Variants in GRIK3 observed in about 807,000 individuals in gnomAD.
GRIK3 encodes the protein glutamate receptor ionotropic, kainate 3.
Under a neutral mutation model 102.5 loss-of-function variants are expected in GRIK3, and 29 were observed. The ratio of observed to expected loss-of-function variants is 0.28; its 90% CI spans 0.21 to 0.39. GRIK3 has a LOEUF of 0.39. GRIK3 is among the 10% of genes least tolerant of loss of function. The probability of loss-of-function intolerance (pLI) is 1.00; values close to 1 mark genes in which losing one functional copy is unlikely to be tolerated. For missense variants in GRIK3, 908 were observed against 1,252.4 expected (o/e 0.73, Z 4.15); for synonymous variants, 511 against 504.9 (o/e 1.01, Z -0.16).
At chr1:36,842,005 G>T in intron 9 of GRIK3, 66 bp from the exon 10 acceptor site, 4 of 1,275,318 alleles carry the variant, frequency 3.1e-6, no homozygotes. Context: ...GGCTTGCACT[G>T]GAGAGTCAGG....
In GRIK3 at chr1:36,950,559, G is replaced by A. The variant is rs371578130; in HGVS notation, c.116-59463C>T. ...GGAAGATGAAGCTGGAATGGCCTTT[G>A]GACAACATGCTCTGGGCTTGGCTAA... On this transcript the variant is annotated intron_variant, in intron 1 of 15. Transcript: ENST00000373091. Among the ~76,000 whole-genome samples the A allele has an allele frequency of 2.0e-5, 3 of 152,222 alleles. No individual in the cohort carries two copies. In the East Asian group the frequency reaches 5.8e-4, roughly 29 times the overall value.
chr1:36,840,195 C>T (rs1393096171), intron 10 of GRIK3, among the ~76,000 whole-genome samples: 1 of 152,124 alleles, frequency 6.6e-6, no homozygotes, highest in Non-Finnish European at 1.5e-5. Flanking sequence ...CAGTACCTAC[C>T]TCACTGGGCT....
chr1:36,902,782 T>G (rs1036716198), intron 1 of GRIK3, among the ~76,000 whole-genome samples: 5 of 151,844 alleles, frequency 3.3e-5, no homozygotes, highest in Non-Finnish European at 7.4e-5. Context: ...CTGGGACATA[T>G]CTTATGATGG....
intron 2 of GRIK3, among the ~76,000 whole-genome samples, chr1:36,883,515 C>T (rs1641006066): frequency 6.6e-6 from 1 of 152,202 alleles, no homozygotes; most frequent in South Asian, 2.1e-4. Context: ...TATGGCTTTC[C>T]CTCTGGAAGA....
At position 36,819,942 on chromosome 1, in the gene GRIK3, C is replaced by T; in HGVS notation, c.1755-88G>A. The T allele has an allele frequency of 1.4e-6, 1 of 713,794 alleles. No homozygotes were observed. 44.2% of individuals were successfully genotyped at this position (713,794 alleles called of 1,614,324 possible). On this transcript the variant is annotated intron_variant, in intron 11 of 15. Coordinates refer to ENST00000373091, the MANE Select transcript of GRIK3 (RefSeq NM_000831.4). The surrounding 1 kb of genome is among the most constrained non-coding windows in gnomAD (Gnocchi z 4.1). ...AGTGGTTTAGCAAACACAGCTGTGC[C>T]AGCCGCCTCAGCGTCAATATCCTCA...
At chr1:36,816,910 C>T (rs1044474594) in intron 13 of GRIK3, 150 bp downstream of exon 13, 1 of 621,038 alleles carries the variant, frequency 1.6e-6, no homozygotes, top group Non-Finnish European at 2.8e-6. Flanking sequence ...CCAAAGTCAA[C>T]TAGTCCAAAC....
At chr1:36,849,922 T>G in intron 9 of GRIK3, 1 of 190,092 alleles carries the variant, frequency 5.3e-6, no homozygotes, top group Non-Finnish European at 1.1e-5. Flanking sequence ...GCTCTCGAGG[T>G]GTGGCCACAG....
chr1:36,924,118 A>T (rs1279978676), intron 1 of GRIK3, among the ~76,000 whole-genome samples: 3 of 152,226 alleles, frequency 2.0e-5, no homozygotes, highest in African/African-American at 7.2e-5. Context: ...GGGCACTGCC[A>T]GGGCAGAGGA....
chr1:36,801,696 G>A lies in GRIK3; in HGVS notation c.*155C>T, dbSNP rs538933624. 3.6e-6 allele frequency: 2 copies of A among 548,868 alleles called. No homozygotes were observed. The highest frequency in any genetic ancestry group is 6.6e-5 in the South Asian group (2 of 30,482). 34.0% of individuals were successfully genotyped at this position (548,868 alleles called of 1,614,324 possible). On this transcript the variant is annotated 3_prime_UTR_variant, in exon 16 of 16. Coordinates refer to ENST00000373091, the MANE Select transcript of GRIK3 (RefSeq NM_000831.4). ...AAGCAGCTGGCCTGAGAGCCTGCTGGCTTCCTGGCAGGTAAGGGCAGGAGG... is the reference window on the plus strand; with the variant it reads ...AAGCAGCTGGCCTGAGAGCCTGCTGACTTCCTGGCAGGTAAGGGCAGGAGG...
At chr1:36,933,212 C>A (rs1300363550) in intron 1 of GRIK3, among the ~76,000 whole-genome samples, 1 of 152,158 alleles carries the variant, frequency 6.6e-6, no homozygotes, top group Non-Finnish European at 1.5e-5. Context: ...AGCTTCAGAG[C>A]CTTGATTCTG....
intron 1 of GRIK3, among the ~76,000 whole-genome samples, chr1:36,900,267 C>T (rs1641220765): frequency 1.3e-5 from 2 of 152,158 alleles, no homozygotes; most frequent in South Asian, 4.1e-4. Context: ...TCCCCAAATA[C>T]TTGAAGATTA....
chr1:36,931,668 A>C (rs112881480), intron 1 of GRIK3, among the ~76,000 whole-genome samples: 6 of 152,252 alleles, frequency 3.9e-5, no homozygotes, highest in African/African-American at 1.4e-4. Flanking sequence ...TATGCCTGAG[A>C]GTGGAGACAT....
At chr1:36,907,652 C>T (rs1641298228) in intron 1 of GRIK3, among the ~76,000 whole-genome samples, 1 of 152,088 alleles carries the variant, frequency 6.6e-6, no homozygotes, top group African/African-American at 2.4e-5. Context: ...AAACAGGAAG[C>T]CCTAGAGCAT....
intron 1 of GRIK3, among the ~76,000 whole-genome samples, chr1:36,987,419 G>A (rs1390153043): frequency 6.6e-6 from 1 of 152,186 alleles, no homozygotes; most frequent in Non-Finnish European, 1.5e-5. Flanking sequence ...GAGGGGAGGT[G>A]AGGCAGGGAA....
At chr1:37,026,511 C>G (rs1420252962) in intron 1 of GRIK3, among the ~76,000 whole-genome samples, 1 of 152,192 alleles carries the variant, frequency 6.6e-6, no homozygotes, top group Non-Finnish European at 1.5e-5. Context: ...TTGGGGAACT[C>G]TCTTTTTTCT....
chr1:36,893,282 T>A (rs1371092271), intron 1 of GRIK3, among the ~76,000 whole-genome samples: 1 of 152,176 alleles, frequency 6.6e-6, no homozygotes, highest in Non-Finnish European at 1.5e-5. Flanking sequence ...GTAACATATG[T>A]GGGAGCATAA....
chr1:36,885,567 T>G (rs185003018), intron 2 of GRIK3, among the ~76,000 whole-genome samples: 1 of 152,296 alleles, frequency 6.6e-6, no homozygotes, highest in East Asian at 1.9e-4. Flanking sequence ...ACTTTACTCT[T>G]GCATAGCAGG....
At chr1:36,811,734 C>A (rs796602806) in intron 13 of GRIK3, among the ~76,000 whole-genome samples, 4 of 152,320 alleles carry the variant, frequency 2.6e-5, no homozygotes, top group African/African-American at 9.6e-5. Flanking sequence ...GTTCAGCCAA[C>A]TGGAGGGCTG....
intron 13 of GRIK3, 85 bp downstream of exon 13, chr1:36,816,975 C>T (rs1217170577): frequency 5.4e-6 from 5 of 920,518 alleles, no homozygotes; most frequent in Non-Finnish European, 6.9e-6. Context: ...TAGGGAAGGA[C>T]AGAGACCCCC....
Sources: allele counts gnomAD v4.1 joint callset (sites outside exome capture counted in the v4.1 genomes callset), GRCh38; gene constraint gnomAD v4.1.1; non-coding constraint Gnocchi (gnomAD v3.1); transcripts MANE v1.5; gene names NCBI Gene and HGNC (gene_info 2026-07-23, HGNC 2026-07-21).